Variants in FGF1 observed in about 807,000 individuals in gnomAD.
The protein encoded by FGF1 is fibroblast growth factor 1.
A neutral mutation model predicts 13.4 loss-of-function variants in FGF1; 9 were observed. The observed-to-expected ratio is 0.67, with a 90% CI of 0.40 to 1.17. FGF1 has a LOEUF of 1.17. FGF1 is among the 50% of genes most tolerant of loss of function. FGF1 has a pLI of 0.01. For missense variants in FGF1, 156 were observed against 192.7 expected, an observed-to-expected ratio of 0.81 and a Z score of 1.13; for synonymous variants, 93 against 79.0, an observed-to-expected ratio of 1.18 and a Z score of -0.94.
chr5:142,599,670 A>ACCT (rs1207233475), intron 3 of FGF1, among the ~76,000 whole-genome samples: 1 of 152,232 alleles, frequency 6.6e-6, no homozygotes, highest in African/African-American at 2.4e-5. Context: ...AACTCCTGTC[A>ACCT]CAGAGATACC....
chr5:142,636,096 C>T (rs1764204829), intron 1 of FGF1, among the ~76,000 whole-genome samples: 1 of 152,178 alleles, frequency 6.6e-6, no homozygotes, highest in Non-Finnish European at 1.5e-5. Context: ...CTCCTTCTTG[C>T]TCTGTTTTGC....
upstream of FGF1, among the ~76,000 whole-genome samples, chr5:142,688,716 T>C (rs1751659990): frequency 6.6e-6 from 1 of 152,244 alleles, no homozygotes; most frequent in South Asian, 2.1e-4. Flanking sequence ...AAAAAAATTC[T>C]AGTAGGTTTA....
At chr5:142,695,931 A>T (rs1235944686) in intron 2 of FGF1, among the ~76,000 whole-genome samples, 1 of 152,188 alleles carries the variant, frequency 6.6e-6, no homozygotes, top group African/African-American at 2.4e-5. Flanking sequence ...CAGAGGGGAG[A>T]CAGCACCAAG....
At chr5:142,612,247 G>A (rs765726491) in intron 2 of FGF1, among the ~76,000 whole-genome samples, 4 of 152,210 alleles carry the variant, frequency 2.6e-5, no homozygotes, top group Non-Finnish European at 5.9e-5. Flanking sequence ...CACCCAGAGT[G>A]CAGTCTGTTG....
rs1270564596 is a variant in FGF1 at position 142,600,711 on chromosome 5, T to C, written c.264A>G (p.Leu88=). The change falls in exon 3 of 4, where the codon TTA becomes TTG. Residue 88 remains leucine, a synonymous_variant. Coordinates refer to ENST00000337706, the MANE Select transcript of FGF1 (RefSeq NM_000800.5). ...QYLAMDTDGL[L]YGSQTPNEEC... ...TCAGCTTCATACTTACTGAGCCGTA[T>C]AAAAGCCCGTCGGTGTCCATGGCCA... is the stretch of plus-strand genomic sequence containing the variant. 3 of 1,611,474 alleles carry C rather than the reference T, an allele frequency of 1.9e-6. No individual in the cohort carries two copies. Among genetic ancestry groups the C allele is most frequent in the Non-Finnish European group, 2.5e-6 (3 of 1,177,560 alleles).
chr5:142,638,736 A>G (rs898112459), intron 1 of FGF1, among the ~76,000 whole-genome samples: 2 of 152,108 alleles, frequency 1.3e-5, no homozygotes, highest in African/African-American at 4.8e-5. Context: ...CAGAGTGAAG[A>G]GAAAACCTAT....
intron 1 of FGF1, among the ~76,000 whole-genome samples, chr5:142,671,610 A>G (rs569218896): frequency 4.6e-5 from 7 of 152,224 alleles, no homozygotes; most frequent in Non-Finnish European, 7.3e-5. Flanking sequence ...CTCCTTCAAA[A>G]AATTAGGGGA....
At chr5:142,662,401 A>T (rs1323603523) in intron 1 of FGF1, among the ~76,000 whole-genome samples, 1 of 152,210 alleles carries the variant, frequency 6.6e-6, no homozygotes, top group African/African-American at 2.4e-5. Flanking sequence ...CAACATGCTT[A>T]TTAGAGTTCA....
chr5:142,616,591 C>G (rs914295642), intron 1 of FGF1, among the ~76,000 whole-genome samples: 4 of 152,150 alleles, frequency 2.6e-5, no homozygotes, highest in Non-Finnish European at 5.9e-5. Flanking sequence ...ACCTTACTTT[C>G]TTATCCATAA....
chr5:142,607,551 A>G (rs1184608596), intron 2 of FGF1, among the ~76,000 whole-genome samples: 1 of 152,242 alleles, frequency 6.6e-6, no homozygotes, highest in Admixed American at 6.5e-5. Context: ...TACTCTAACG[A>G]TAGAAATTTC....
intron 1 of FGF1, chr5:142,685,724 C>T (rs1033270413): frequency 1.3e-5 from 2 of 152,182 alleles, no homozygotes; most frequent in African/African-American, 4.8e-5. Flanking sequence ...CATGCCCTTC[C>T]CCCAGAGCAG....
At chr5:142,634,209 A>G (rs866530240) in intron 1 of FGF1, among the ~76,000 whole-genome samples, 33 of 151,778 alleles carry the variant, frequency 2.2e-4, no homozygotes, top group Non-Finnish European at 4.0e-4. Context: ...AAAAAAAAAA[A>G]AAAACTCCCT....
At chr5:142,655,825 G>A (rs1387929169) in intron 1 of FGF1, among the ~76,000 whole-genome samples, 1 of 152,204 alleles carries the variant, frequency 6.6e-6, no homozygotes, top group African/African-American at 2.4e-5. Context: ...TTATCCTGTG[G>A]GCGGGAGCCA....
chr5:142,631,002 G>A (rs1270288371), intron 1 of FGF1, among the ~76,000 whole-genome samples: 2 of 152,266 alleles, frequency 1.3e-5, no homozygotes, highest in African/African-American at 4.8e-5. Flanking sequence ...AACACCTTCT[G>A]CGCAGCCCTC....
intron 1 of FGF1, among the ~76,000 whole-genome samples, chr5:142,667,217 G>C (rs1033071489): frequency 6.6e-6 from 1 of 152,080 alleles, no homozygotes; most frequent in Non-Finnish European, 1.5e-5. Flanking sequence ...CTGGGAGACA[G>C]AGGTTGCAGT....
intron 1 of FGF1, among the ~76,000 whole-genome samples, chr5:142,675,811 T>A (rs1374052490): frequency 6.6e-6 from 1 of 152,198 alleles, no homozygotes; most frequent in African/African-American, 2.4e-5. Flanking sequence ...ACTGTCCAAA[T>A]GATTTGAACT....
intron 1 of FGF1, among the ~76,000 whole-genome samples, chr5:142,682,731 A>G (rs1204193338): frequency 6.6e-6 from 1 of 152,224 alleles, no homozygotes; most frequent in African/African-American, 2.4e-5. Context: ...AGCAGTTAGC[A>G]TTGGCACCAG....
chr5:142,630,229 T>A (rs1247009910), intron 1 of FGF1, among the ~76,000 whole-genome samples: 1 of 152,104 alleles, frequency 6.6e-6, no homozygotes, highest in Non-Finnish European at 1.5e-5. Context: ...AGTACATTTT[T>A]ACCCAAAGCA....
intron 1 of FGF1, among the ~76,000 whole-genome samples, chr5:142,652,161 C>A (rs1561672370): frequency 6.6e-6 from 1 of 152,146 alleles, no homozygotes. Flanking sequence ...GGATTTGAAC[C>A]CAGACATTCT....
Sources: gnomAD v4.1 joint callset for allele counts (sites outside exome capture counted in the v4.1 genomes callset) on GRCh38, gnomAD v4.1.1 for gene constraint, MANE v1.5 for transcripts, NCBI Gene and HGNC (gene_info 2026-07-23, HGNC 2026-07-21) for gene names.